The following SPON1 variants were observed in gnomAD, a reference collection of about 807,000 sequenced individuals.
SPON1 encodes spondin 1.
In SPON1, 52 loss-of-function variants were observed where a neutral mutation model predicts 111.7. That is an observed-to-expected ratio of 0.47 (90% confidence interval 0.37 to 0.59). The LOEUF is 0.59. Ranked by LOEUF, SPON1 falls within the 20% of genes least tolerant of loss-of-function variation. The pLI is 0.00. For missense variants in SPON1, 957 were observed against 1,068.5 expected (o/e 0.90, Z 1.46); for synonymous variants, 410 against 395.8 (o/e 1.04, Z -0.43).
At chr11:13,983,023 T>C (rs1355483932) in intron 2 of SPON1, 70 bp downstream of exon 2, 2 of 1,075,580 alleles carry the variant, frequency 1.9e-6, no homozygotes, top group Non-Finnish European at 2.8e-6. Flanking sequence ...GAGGTACAAG[T>C]GTCTCAGGTG....
intron 6 of SPON1, among the ~76,000 whole-genome samples, chr11:14,208,302 G>A (rs1424989128): frequency 6.6e-6 from 1 of 151,910 alleles, no homozygotes; most frequent in Non-Finnish European, 1.5e-5. Flanking sequence ...ACAAACGCCA[G>A]TGACACAAGT....
intron 8 of SPON1, 123 bp downstream of exon 8, chr11:14,254,852 C>A: frequency 1.1e-6 from 1 of 940,638 alleles, no homozygotes; most frequent in Non-Finnish European, 1.6e-6. Flanking sequence ...GCTGGGGAGG[C>A]TGGCATGGTC....
chr11:14,118,166 T>A (rs1849280167), intron 5 of SPON1, among the ~76,000 whole-genome samples: 1 of 152,216 alleles, frequency 6.6e-6, no homozygotes, highest in African/African-American at 2.4e-5. Context: ...CCTGCTAAGC[T>A]TCTTTAAATA....
chr11:13,962,975 C>A lies in SPON1; in HGVS notation c.71C>A (p.Ala24Asp). 1.3e-6 allele frequency: 2 copies of A among 1,593,794 alleles called. No individual in the cohort carries two copies. Among genetic ancestry groups the A allele is most frequent in the Admixed American group, 1.7e-5 (1 of 57,974 alleles). ...PALLALALPLAAALAFSDETL... is the reference protein window; with the variant it reads ...PALLALALPLDAALAFSDETL... ...CTGCTGGCCCTGGCGCTGCCCCTGGCCGCGGCGCTGGCCTTCTCCGACGAG... is the reference window on the plus strand; with the variant it reads ...CTGCTGGCCCTGGCGCTGCCCCTGGACGCGGCGCTGGCCTTCTCCGACGAG... The change falls in exon 1 of 16, where the codon GCC becomes GAC. Residue 24 changes from alanine to aspartate, a missense_variant. Ala to Asp is a moderately radical substitution (Grantham distance 126, BLOSUM62 -2). This residue lies in a region of SPON1 where 262 missense variants were observed against 253.9 expected (regional missense o/e 1.03). Coordinates refer to ENST00000576479, the MANE Select transcript of SPON1 (RefSeq NM_006108.4).
chr11:13,991,865 G>C (rs1848233447), intron 2 of SPON1, among the ~76,000 whole-genome samples: 1 of 152,156 alleles, frequency 6.6e-6, no homozygotes, highest in African/African-American at 2.4e-5. Context: ...TCCTGACCCT[G>C]TTTGCCTGGG....
intron 6 of SPON1, among the ~76,000 whole-genome samples, chr11:14,208,086 A>G (rs1437410762): frequency 6.6e-5 from 10 of 152,226 alleles, no homozygotes; most frequent in African/African-American, 2.4e-4. Flanking sequence ...CATTATCCAT[A>G]GCAAACTAAC....
intron 2 of SPON1, among the ~76,000 whole-genome samples, chr11:13,993,766 G>A (rs1234872420): frequency 1.3e-5 from 2 of 152,164 alleles, no homozygotes; most frequent in Admixed American, 1.3e-4. Flanking sequence ...AGTATCCCTG[G>A]CAGCAACTAT....
At chr11:14,232,695 C>G (rs933102276) in intron 6 of SPON1, among the ~76,000 whole-genome samples, 1 of 152,128 alleles carries the variant, frequency 6.6e-6, no homozygotes, top group Admixed American at 6.5e-5. Context: ...CAAACTTGCC[C>G]TCATATCACA....
At chr11:14,161,383 A>G (rs1462689366) in intron 6 of SPON1, among the ~76,000 whole-genome samples, 3 of 148,108 alleles carry the variant, frequency 2.0e-5, no homozygotes, top group Admixed American at 7.0e-5. Context: ...CAGTGGTGCA[A>G]TCTTGGCTCA....
At chr11:14,256,778 A>G in intron 10 of SPON1, 86 bp downstream of exon 10, 1 of 1,005,268 alleles carries the variant, frequency 9.9e-7, no homozygotes, top group Non-Finnish European at 1.5e-6. Context: ...TTTAAGAACC[A>G]TAAACCATGT....
At chr11:14,261,107 T>C (rs1161444315) in intron 14 of SPON1, among the ~76,000 whole-genome samples, 1 of 152,120 alleles carries the variant, frequency 6.6e-6, no homozygotes, top group African/African-American at 2.4e-5. Flanking sequence ...TTTAATTCTA[T>C]TTTCCCTGTG....
chr11:13,992,887 C>G (rs1848242531), intron 2 of SPON1, among the ~76,000 whole-genome samples: 7 of 152,106 alleles, frequency 4.6e-5, no homozygotes, highest in Admixed American at 4.6e-4. Context: ...GCTGCACCCA[C>G]TGTCCAACCA....
At chr11:14,264,172 G>T (rs1008156948) in intron 15 of SPON1, among the ~76,000 whole-genome samples, 1 of 152,190 alleles carries the variant, frequency 6.6e-6, no homozygotes, top group Non-Finnish European at 1.5e-5. Context: ...CAGAGGACAA[G>T]GCAGGCAGGA....
chr11:14,132,963 C>T (rs1394886035), intron 5 of SPON1, among the ~76,000 whole-genome samples: 5 of 152,124 alleles, frequency 3.3e-5, no homozygotes, highest in Admixed American at 1.3e-4. Context: ...GAATTACAAA[C>T]GAGGGAACTG....
chr11:13,994,404 G>A (rs1319866165), intron 2 of SPON1, among the ~76,000 whole-genome samples: 2 of 152,002 alleles, frequency 1.3e-5, no homozygotes, highest in African/African-American at 2.4e-5. Context: ...CATTTTTTAT[G>A]GTTCTAATAT....
In SPON1 at chr11:14,135,514, A is replaced by G. The variant is rs781985558; in HGVS notation, c.771A>G (p.Lys257=). ...EYGGYASEGV[K]QVAELGSPVK... ...GAGGATATGCCAGCGAAGGCGTCAA[A>G]CAAGTTGCAGAATTGGGCTCACCCG... Residue 257 remains lysine (K), a synonymous_variant, in exon 6 of 16, where the codon AAA becomes AAG. Coordinates refer to ENST00000576479, the MANE Select transcript of SPON1 (RefSeq NM_006108.4). This position sits in a 1 kb window ranked among gnomAD's most constrained non-coding sequence, Gnocchi z 4.4. 2 of 1,614,010 alleles carry G rather than the reference A, an allele frequency of 1.2e-6. No homozygotes were observed. Among genetic ancestry groups the G allele is most frequent in the Admixed American group, 3.3e-5 (2 of 60,030 alleles).
intron 6 of SPON1, among the ~76,000 whole-genome samples, chr11:14,229,951 C>CGTGTGTGTGTGTGT (rs55709324): frequency 3.4e-5 from 5 of 144,970 alleles, no homozygotes; most frequent in African/African-American, 1.3e-4. Context: ...TCTGTGTGTC[C>CGTGTGTGTGTGTGT]GTGTGTGTGT....
chr11:14,231,593 C>A (rs6486184), intron 6 of SPON1, among the ~76,000 whole-genome samples: 6 of 152,002 alleles, frequency 3.9e-5, no homozygotes, highest in African/African-American at 9.7e-5. Context: ...CTTATATATC[C>A]TTCCAGAGAT....
At chr11:14,215,200 T>A (rs545516104) in intron 6 of SPON1, among the ~76,000 whole-genome samples, 1 of 152,116 alleles carries the variant, frequency 6.6e-6, no homozygotes, top group Non-Finnish European at 1.5e-5. Context: ...GGACTACAGG[T>A]ATGCACCACA....
Sources: gnomAD v4.1 joint callset for allele counts (sites outside exome capture counted in the v4.1 genomes callset) on GRCh38, gnomAD v4.1.1 for gene constraint, gnomAD v4.1.1 regional missense constraint, Gnocchi (gnomAD v3.1) non-coding constraint, MANE v1.5 for transcripts, NCBI Gene and HGNC (gene_info 2026-07-23, HGNC 2026-07-21) for gene names.